The following AKAP19 variants were observed in gnomAD, a reference collection of about 807,000 sequenced individuals.
AKAP19 encodes the protein small A-kinase anchoring protein.
At chr2:190,128,557 G>T in the AKAP19 span, among the ~76,000 whole-genome samples, 1 of 152,196 alleles carries the variant, frequency 6.6e-6, no homozygotes, top group African/African-American at 2.4e-5. Context: ...CCCCAGGGCA[G>T]CCCATTTAAA....
At chr2:190,018,220 A>G in the AKAP19 span, among the ~76,000 whole-genome samples, 2 of 152,032 alleles carry the variant, frequency 1.3e-5, no homozygotes, top group East Asian at 1.9e-4. Flanking sequence ...TTCAGCCATT[A>G]TTTATTTAAA....
chr2:189,975,215 G>A, the AKAP19 span, among the ~76,000 whole-genome samples: 2 of 152,110 alleles, frequency 1.3e-5, no homozygotes, highest in African/African-American at 4.8e-5. Context: ...GTGTGTAAAG[G>A]ATTTTATTTC....
the AKAP19 span, among the ~76,000 whole-genome samples, chr2:189,968,292 C>T: frequency 3.9e-5 from 6 of 152,262 alleles, no homozygotes; most frequent in Middle Eastern, 3.4e-3. Flanking sequence ...GGCTGGAGTG[C>T]AGTGGCCTGA....
chr2:190,103,118 A>G, the AKAP19 span, among the ~76,000 whole-genome samples: 5 of 152,246 alleles, frequency 3.3e-5, no homozygotes, highest in African/African-American at 1.2e-4. Flanking sequence ...GATACAGAAA[A>G]AGCCTTGGAT....
the AKAP19 span, among the ~76,000 whole-genome samples, chr2:189,948,080 G>A: frequency 2.6e-5 from 4 of 152,036 alleles, no homozygotes; most frequent in South Asian, 2.1e-4. Flanking sequence ...TTATCACAGC[G>A]GTAAGTACAT....
At chr2:190,116,433 T>C in the AKAP19 span, among the ~76,000 whole-genome samples, 1 of 152,172 alleles carries the variant, frequency 6.6e-6, no homozygotes, top group Non-Finnish European at 1.5e-5. Flanking sequence ...GGAGCTCTCA[T>C]AAACCTAAAT....
chr2:189,940,427 C>CA, the AKAP19 span, among the ~76,000 whole-genome samples: 1 of 149,832 alleles, frequency 6.7e-6, no homozygotes, highest in Non-Finnish European at 1.5e-5. Context: ...GCCTGGGCAA[C>CA]GGGGGGGAAA....
the AKAP19 span, among the ~76,000 whole-genome samples, chr2:189,994,941 G>T: frequency 6.6e-6 from 1 of 152,058 alleles, no homozygotes; most frequent in Non-Finnish European, 1.5e-5. Flanking sequence ...TAGTTTTGAG[G>T]GTTCCTTTTG....
chr2:189,945,919 G>C, the AKAP19 span, among the ~76,000 whole-genome samples: 1 of 152,182 alleles, frequency 6.6e-6, no homozygotes, highest in Non-Finnish European at 1.5e-5. Context: ...CTTCTGAACT[G>C]TTTGCTTGAG....
chr2:190,142,634 A>G, the AKAP19 span, among the ~76,000 whole-genome samples: 2 of 152,296 alleles, frequency 1.3e-5, no homozygotes, highest in Admixed American at 6.5e-5. Context: ...GTGGTAAGAA[A>G]TGAGGATGAA....
the AKAP19 span, among the ~76,000 whole-genome samples, chr2:190,073,150 CAGAG>C: frequency 4.1e-4 from 62 of 151,852 alleles, 1 homozygote; most frequent in East Asian, 1.9e-4. Flanking sequence ...GGTTTACAGA[CAGAG>C]AATTAAAAGA....
the AKAP19 span, among the ~76,000 whole-genome samples, chr2:190,052,848 G>GGAGA: frequency 6.6e-6 from 1 of 152,070 alleles, no homozygotes; most frequent in Non-Finnish European, 1.5e-5. Flanking sequence ...CTCAGGAGAC[G>GGAGA]TTTTCAACAG....
chr2:189,882,298 TATCTC>T, the AKAP19 span, among the ~76,000 whole-genome samples: 4 of 152,214 alleles, frequency 2.6e-5, no homozygotes, highest in Admixed American at 6.5e-5. Context: ...CCTGAGAACA[TATCTC>T]AATCAATTTA....
the AKAP19 span, among the ~76,000 whole-genome samples, chr2:189,925,512 GATA>G: frequency 6.6e-6 from 1 of 152,162 alleles, no homozygotes; most frequent in Admixed American, 6.5e-5. Flanking sequence ...AGGGGCTAGA[GATA>G]ATAAGTTTAG....
chr2:189,990,601 TG>T, the AKAP19 span, among the ~76,000 whole-genome samples: 1 of 152,228 alleles, frequency 6.6e-6, no homozygotes, highest in Non-Finnish European at 1.5e-5. Context: ...TACGAGGCTT[TG>T]GAATTAGGAT....
At chr2:189,946,095 T>G in the AKAP19 span, among the ~76,000 whole-genome samples, 4 of 152,322 alleles carry the variant, frequency 2.6e-5, no homozygotes, top group Non-Finnish European at 5.9e-5. Context: ...ATGGAGAAAT[T>G]ACTCAAACTT....
the AKAP19 span, among the ~76,000 whole-genome samples, chr2:190,057,815 T>C: frequency 6.6e-6 from 1 of 152,086 alleles, no homozygotes; most frequent in Non-Finnish European, 1.5e-5. Flanking sequence ...TTTCCCCTTA[T>C]GTCTCAAAAG....
At chr2:189,973,975 T>C in the AKAP19 span, among the ~76,000 whole-genome samples, 4 of 152,266 alleles carry the variant, frequency 2.6e-5, no homozygotes, top group East Asian at 3.9e-4. Flanking sequence ...GTGTCTCTAT[T>C]TCCTTCAGTT....
At chr2:190,152,831 T>C in the AKAP19 span, among the ~76,000 whole-genome samples, 1 of 152,182 alleles carries the variant, frequency 6.6e-6, no homozygotes, top group Non-Finnish European at 1.5e-5. Flanking sequence ...GTTCTGAACA[T>C]TTCTTAAATA....
Sources: gnomAD v4.1 joint callset for allele counts (sites outside exome capture counted in the v4.1 genomes callset) on GRCh38, gnomAD v4.1.1 for gene constraint, MANE v1.5 for transcripts, NCBI Gene and HGNC (gene_info 2026-07-23, HGNC 2026-07-21) for gene names.